XPR1: variants seen among roughly 807,000 people sequenced by gnomAD.
The protein encoded by XPR1 is xenotropic and polytropic retrovirus receptor 1, also known as solute carrier family 53 member 1.
A neutral mutation model predicts 87.5 loss-of-function variants in XPR1; 28 were observed. That is an observed-to-expected ratio of 0.32 (90% CI 0.24 to 0.44). The LOEUF is 0.44. Ranked by LOEUF, XPR1 falls within the 20% of genes least tolerant of loss-of-function variation. XPR1 has a pLI of 1.00. For synonymous variants in XPR1, 300 were observed against 306.1 expected, an observed-to-expected ratio of 0.98 and a Z score of 0.21; for missense variants, 559 against 862.3, an observed-to-expected ratio of 0.65 and a Z score of 4.41.
At chr1:180,780,783 G>C (rs925392962) in intron 2 of XPR1, among the ~76,000 whole-genome samples, 2 of 144,544 alleles carry the variant, frequency 1.4e-5, no homozygotes, top group South Asian at 4.3e-4. Context: ...AAAAAAAAAA[G>C]AGATGCAAGA....
chr1:180,853,318 C>CTAT (rs1651926755), intron 11 of XPR1, among the ~76,000 whole-genome samples: 1 of 151,986 alleles, frequency 6.6e-6, no homozygotes, highest in South Asian at 2.1e-4. Flanking sequence ...CCAGTTCTTT[C>CTAT]CTCTGTCCCT....
chr1:180,651,388 G>T (rs1039444443), intron 1 of XPR1, among the ~76,000 whole-genome samples: 1 of 152,100 alleles, frequency 6.6e-6, no homozygotes, highest in Non-Finnish European at 1.5e-5. Context: ...CACGCACCTC[G>T]CCCGGAATCC....
intron 1 of XPR1, among the ~76,000 whole-genome samples, chr1:180,639,298 A>C (rs1483354591): frequency 1.3e-5 from 2 of 151,826 alleles, no homozygotes; most frequent in African/African-American, 4.9e-5. Flanking sequence ...AAAAAAAAAA[A>C]CACCCTTTAA....
intron 2 of XPR1, among the ~76,000 whole-genome samples, chr1:180,756,380 G>T (rs146641637): frequency 2.6e-5 from 4 of 152,206 alleles, no homozygotes; most frequent in Admixed American, 2.6e-4. Context: ...TGCATTTATC[G>T]TCTGGGTAAT....
intron 1 of XPR1, among the ~76,000 whole-genome samples, chr1:180,677,050 T>A (rs936319232): frequency 6.6e-6 from 1 of 152,172 alleles, no homozygotes; most frequent in Admixed American, 6.5e-5. Flanking sequence ...TTGCTAACAT[T>A]AGCTGGGTGT....
intron 2 of XPR1, among the ~76,000 whole-genome samples, chr1:180,760,079 A>G (rs566638148): frequency 4.1e-4 from 62 of 152,330 alleles, no homozygotes; most frequent in Non-Finnish European, 6.6e-4. Context: ...CATGCTAAAA[A>G]CGCTCAATAA....
intron 2 of XPR1, among the ~76,000 whole-genome samples, chr1:180,756,437 C>G (rs1455356987): frequency 6.6e-6 from 1 of 152,096 alleles, no homozygotes; most frequent in Non-Finnish European, 1.5e-5. Flanking sequence ...TTTATTTCTT[C>G]TTTGGGATAA....
intron 2 of XPR1, among the ~76,000 whole-genome samples, chr1:180,739,491 T>C (rs1001574758): frequency 1.3e-5 from 2 of 152,244 alleles, no homozygotes; most frequent in Non-Finnish European, 2.9e-5. Flanking sequence ...CAATTAGAAC[T>C]GTGTTAAATC....
intron 2 of XPR1, among the ~76,000 whole-genome samples, chr1:180,730,967 C>T (rs1319554992): frequency 6.6e-6 from 1 of 152,092 alleles, no homozygotes. Flanking sequence ...TTGCAAATAT[C>T]CTTGCTTTGG....
intron 13 of XPR1, among the ~76,000 whole-genome samples, chr1:180,878,816 A>G (rs150463739): frequency 3.9e-5 from 6 of 152,332 alleles, no homozygotes; most frequent in African/African-American, 1.4e-4. Context: ...CTCACTAGCT[A>G]TTCCTTGTCC....
At chr1:180,657,414 A>T (rs1257564258) in intron 1 of XPR1, among the ~76,000 whole-genome samples, 1 of 152,074 alleles carries the variant, frequency 6.6e-6, no homozygotes. Context: ...TAGTAGTTTC[A>T]TAGGTTGAGG....
At chr1:180,652,197 C>T (rs1163863721) in intron 1 of XPR1, among the ~76,000 whole-genome samples, 1 of 152,048 alleles carries the variant, frequency 6.6e-6, no homozygotes, top group African/African-American at 2.4e-5. Flanking sequence ...GAGGCTGAGG[C>T]AGGAGAATTG....
At position 180,887,530 on chromosome 1, in the gene XPR1, A is replaced by G. The variant is rs1252338241; in HGVS notation, c.*3464A>G. 6.6e-6 allele frequency: 1 copy of G among 152,220 alleles called. No individual in the cohort carries two copies. Among genetic ancestry groups the G allele is most frequent in the African/African-American group, 2.4e-5 (1 of 41,454 alleles). The allele number at this position is 152,220 out of a possible 1,614,324, so 9.4% of individuals were successfully genotyped here. On this transcript the variant is annotated 3_prime_UTR_variant, in exon 15 of 15. Transcript: ENST00000367590. The stretch of plus-strand genomic sequence containing the variant: ...AGCATACAGAGAAACAATGAAATCA[A>G]AGATTAAATCATTAGGTTATGATGG...
chr1:180,756,661 A>T (rs1364707597), intron 2 of XPR1, among the ~76,000 whole-genome samples: 1 of 152,034 alleles, frequency 6.6e-6, no homozygotes, highest in Non-Finnish European at 1.5e-5. Flanking sequence ...TCTTTCATTC[A>T]TTGTGCTTTT....
rs143779107 is a variant in XPR1, at chr1:180,841,101, G to C, written c.1501+4385G>C. 1.6e-4 allele frequency among the ~76,000 whole-genome samples: 25 copies of C among 152,026 alleles called. 1 individual carries two copies. In the East Asian group the frequency reaches 4.8e-3, roughly 29 times the overall value. Reference sequence around the variant, plus strand: ...TGGCTTAAAATGGTAAATTTTGTTTGTTTTTACCACAGTTTTTTTTTAAAG... The same window carrying C: ...TGGCTTAAAATGGTAAATTTTGTTTCTTTTTACCACAGTTTTTTTTTAAAG... On this transcript the variant is annotated intron_variant, in intron 11 of 14. Transcript: ENST00000367590.
intron 2 of XPR1, among the ~76,000 whole-genome samples, chr1:180,733,250 C>A (rs186992351): frequency 1.3e-5 from 2 of 152,142 alleles, no homozygotes; most frequent in African/African-American, 4.8e-5. Context: ...ACCCTATGTC[C>A]GTGGGGGCTA....
At chr1:180,759,174 A>G (rs1647885847) in intron 2 of XPR1, among the ~76,000 whole-genome samples, 1 of 152,216 alleles carries the variant, frequency 6.6e-6, no homozygotes, top group African/African-American at 2.4e-5. Context: ...GGAAAGATCT[A>G]AAATTGACAC....
intron 3 of XPR1, among the ~76,000 whole-genome samples, chr1:180,793,821 C>T (rs1396090923): frequency 2.0e-5 from 3 of 152,048 alleles, no homozygotes; most frequent in Non-Finnish European, 2.9e-5. Context: ...AAACAAGCCA[C>T]GTGAAAACCA....
At chr1:180,740,063 C>A (rs1426145076) in intron 2 of XPR1, among the ~76,000 whole-genome samples, 1 of 152,106 alleles carries the variant, frequency 6.6e-6, no homozygotes, top group Non-Finnish European at 1.5e-5. Context: ...ATAAACTCAC[C>A]TACTATTTCT....
Sources: gnomAD v4.1 joint callset for allele counts (sites outside exome capture counted in the v4.1 genomes callset) on GRCh38, gnomAD v4.1.1 for gene constraint, MANE v1.5 for transcripts, NCBI Gene and HGNC (gene_info 2026-07-23, HGNC 2026-07-21) for gene names.